Variants in NREP observed in about 807,000 individuals in gnomAD.
The protein encoded by NREP is neuronal regeneration related protein, also known as neuronal regeneration-related protein.
In NREP, 5 loss-of-function variants were observed where a neutral mutation model predicts 8.6. That is an observed-to-expected ratio of 0.58 (90% confidence interval 0.30 to 1.22). NREP has a LOEUF of 1.22. NREP is among the 50% of genes most tolerant of loss of function. The pLI is 0.07. For synonymous variants in NREP, 27 were observed against 28.0 expected (o/e 0.96, Z 0.11); for missense variants, 86 against 82.5 (o/e 1.04, Z -0.17).
At chr5:111,763,585 G>A (rs1751014695) in intron 2 of NREP, among the ~76,000 whole-genome samples, 1 of 152,190 alleles carries the variant, frequency 6.6e-6, no homozygotes, top group South Asian at 2.1e-4. Flanking sequence ...GATTTATCCA[G>A]ATTATCCTAC....
At chr5:111,954,823 T>G (rs1756263367) in intron 2 of NREP, among the ~76,000 whole-genome samples, 1 of 152,136 alleles carries the variant, frequency 6.6e-6, no homozygotes, top group African/African-American at 2.4e-5. Flanking sequence ...TTAAACAGTT[T>G]ATTAAAAGTC....
Position 111,793,233 on chromosome 5 carries a change from T to C in NREP, c.136-57726A>G, listed in dbSNP as rs143017476. Among the ~76,000 whole-genome samples the C allele has an allele frequency of 2.9e-3, 440 of 152,234 alleles. 3 individuals carry two copies. The highest frequency in any genetic ancestry group is 0.019 in the South Asian group (93 of 4,824). On this transcript the variant is annotated intron_variant, in intron 2 of 3. Transcript: ENST00000395634. Reference sequence around the variant, plus strand: ...AGAACCAATAGGATATATATAGATATATAAGAGGAGATTTATTATGCAAAT... The same window carrying C: ...AGAACCAATAGGATATATATAGATACATAAGAGGAGATTTATTATGCAAAT...
chr5:111,738,275 T>C (rs1749332421), intron 2 of NREP: 1 of 152,202 alleles, frequency 6.6e-6, no homozygotes, highest in African/African-American at 2.4e-5. Context: ...TTGACAATCA[T>C]TAATTACCTT....
At chr5:111,929,091 C>G (rs1266854707) in intron 2 of NREP, among the ~76,000 whole-genome samples, 1 of 152,088 alleles carries the variant, frequency 6.6e-6, no homozygotes, top group Non-Finnish European at 1.5e-5. Context: ...CTTATCCCCT[C>G]TACAACTAAA....
chr5:111,930,842 G>A (rs1351369423), intron 2 of NREP, among the ~76,000 whole-genome samples: 2 of 152,148 alleles, frequency 1.3e-5, no homozygotes, highest in African/African-American at 4.8e-5. Context: ...AAGGAGTTAA[G>A]ACAGAAGCCA....
At chr5:111,957,112 C>T (rs1406799161) in intron 2 of NREP, among the ~76,000 whole-genome samples, 6 of 149,606 alleles carry the variant, frequency 4.0e-5, no homozygotes, top group African/African-American at 1.2e-4. Flanking sequence ...TAATAAATAA[C>T]AATTGCGAGG....
intron 2 of NREP, among the ~76,000 whole-genome samples, chr5:111,913,786 G>A (rs941694173): frequency 6.6e-5 from 10 of 152,016 alleles, no homozygotes; most frequent in Non-Finnish European, 1.3e-4. Flanking sequence ...TAGGGATGAG[G>A]CTATTACTAC....
At chr5:111,824,000 T>C (rs1049685824) in intron 2 of NREP, among the ~76,000 whole-genome samples, 9 of 152,182 alleles carry the variant, frequency 5.9e-5, no homozygotes, top group Admixed American at 5.9e-4. Flanking sequence ...GGTTCACAGA[T>C]TAATGAAATT....
intron 2 of NREP, chr5:111,845,910 A>G (rs1317741938): frequency 2.0e-5 from 3 of 151,858 alleles, no homozygotes; most frequent in African/African-American, 7.2e-5. Flanking sequence ...GTAATTTTAC[A>G]TGTTCAAGAC....
At chr5:111,890,420 G>A (rs1007040686) in intron 2 of NREP, among the ~76,000 whole-genome samples, 1 of 152,272 alleles carries the variant, frequency 6.6e-6, no homozygotes, top group African/African-American at 2.4e-5. Context: ...ACCATTCTGG[G>A]TTCTGGAGAG....
chr5:111,819,821 G>T (rs1752475844), intron 2 of NREP, among the ~76,000 whole-genome samples: 1 of 152,130 alleles, frequency 6.6e-6, no homozygotes, highest in African/African-American at 2.4e-5. Flanking sequence ...GCACATTGTG[G>T]CCTTCTTGCA....
intron 2 of NREP, among the ~76,000 whole-genome samples, chr5:111,784,820 T>C (rs1751571520): frequency 6.6e-6 from 1 of 152,172 alleles, no homozygotes; most frequent in Non-Finnish European, 1.5e-5. Context: ...AATTAAAAAG[T>C]TATACTTTTC....
At chr5:111,903,186 T>G (rs1754690817) in intron 2 of NREP, among the ~76,000 whole-genome samples, 2 of 149,452 alleles carry the variant, frequency 1.3e-5, no homozygotes, top group South Asian at 4.3e-4. Context: ...CGGGTTCAAA[T>G]GATTCTTGTG....
At chr5:111,976,851 G>A in exon 1 of NREP, 1 of 767,006 alleles carries the variant, frequency 1.3e-6, no homozygotes, top group Non-Finnish European at 2.1e-6. Flanking sequence ...CATTCTGATT[G>A]TCCAATGTTT....
At chr5:111,837,732 T>C (rs578125261) in intron 2 of NREP, among the ~76,000 whole-genome samples, 6 of 152,162 alleles carry the variant, frequency 3.9e-5, no homozygotes, top group South Asian at 2.1e-4. Context: ...GAATTATAAA[T>C]TGCTATTGAA....
intron 2 of NREP, among the ~76,000 whole-genome samples, chr5:111,864,823 TATTG>T (rs1489124005): frequency 4.6e-5 from 7 of 152,138 alleles, no homozygotes; most frequent in Non-Finnish European, 1.0e-4. Context: ...TTAAAAAGGT[TATTG>T]ATTTTATTTA....
chr5:111,745,994 T>C (rs1345300637), intron 2 of NREP, among the ~76,000 whole-genome samples: 2 of 152,290 alleles, frequency 1.3e-5, no homozygotes, highest in South Asian at 4.1e-4. Context: ...TATGCTGTAT[T>C]TGATCCTCAT....
chr5:111,898,129 C>A (rs1254553501), intron 2 of NREP, among the ~76,000 whole-genome samples: 1 of 152,094 alleles, frequency 6.6e-6, no homozygotes, highest in African/African-American at 2.4e-5. Flanking sequence ...AATAGAGCCA[C>A]TGGAGAGTTT....
chr5:111,849,450 A>G (rs927541455), intron 2 of NREP, among the ~76,000 whole-genome samples: 2 of 152,136 alleles, frequency 1.3e-5, no homozygotes, highest in Non-Finnish European at 2.9e-5. Context: ...TAAAGTTTGG[A>G]ACTTTATCTT....
Sources: allele counts gnomAD v4.1 joint callset (sites outside exome capture counted in the v4.1 genomes callset), GRCh38; gene constraint gnomAD v4.1.1; transcripts MANE v1.5; gene names NCBI Gene and HGNC (gene_info 2026-07-23, HGNC 2026-07-21).